VAV1: variants seen among roughly 807,000 people sequenced by gnomAD.
VAV1 encodes the protein proto-oncogene vav.
VAV1 carries 33 observed loss-of-function variants against 128.1 expected under a neutral mutation model. That is an observed-to-expected ratio of 0.26 (90% CI 0.20 to 0.34). The LOEUF is 0.34. Ranked by LOEUF, VAV1 falls within the 10% of genes least tolerant of loss-of-function variation. The pLI is 1.00. For synonymous variants in VAV1, 394 were observed against 409.8 expected, an observed-to-expected ratio of 0.96 and a Z score of 0.47; for missense variants, 715 against 1,093.7, an observed-to-expected ratio of 0.65 and a Z score of 4.88.
chr19:6,851,620 A>G (rs1268392116), intron 24 of VAV1, among the ~76,000 whole-genome samples: 2 of 152,180 alleles, frequency 1.3e-5, no homozygotes, highest in Non-Finnish European at 2.9e-5. Flanking sequence ...GTCTTTGCCT[A>G]ATCTGCTGCA....
chr19:6,835,214 T>TACACAC lies in VAV1; in HGVS notation c.1778-1189_1778-1184dup, dbSNP rs59124872. On this transcript the variant is annotated intron_variant, in intron 19 of 26. Transcript: ENST00000602142. ...ATATATATGTGTATATATATATACATACACACACACACACACACACACACA... is the reference window on the plus strand; with the variant it reads ...ATATATATGTGTATATATATATACATACACACACACACACACACACACACACACACA... Among the ~76,000 whole-genome samples, 403 of 145,444 alleles carry TACACAC rather than the reference T, an allele frequency of 2.8e-3. 2 individuals are homozygous for TACACAC. The highest frequency in any genetic ancestry group is 9.5e-3 in the African/African-American group (371 of 39,236).
chr19:6,829,649 TG>T, intron 13 of VAV1, 136 bp from the exon 14 acceptor site: 1 of 1,288,560 alleles, frequency 7.8e-7, no homozygotes, highest in Non-Finnish European at 1.1e-6. Context: ...GAAGTCAGGA[TG>T]GACAGGTGGG....
At chr19:6,842,785 G>A (rs331683) in intron 21 of VAV1, among the ~76,000 whole-genome samples, 100,956 of 151,990 alleles carry the variant, frequency 0.66, 37,891 homozygotes, top group Non-Finnish European at 0.83. Flanking sequence ...AGTGAGCTAT[G>A]ATCATACTGC....
At chr19:6,837,940 C>T (rs1331912074) in intron 21 of VAV1, among the ~76,000 whole-genome samples, 2 of 152,094 alleles carry the variant, frequency 1.3e-5, no homozygotes, top group African/African-American at 2.4e-5. Context: ...TTGTCAATTT[C>T]CCCAAAAATT....
chr19:6,853,850 C>T, intron 25 of VAV1, 97 bp from the exon 26 acceptor site: 3 of 1,507,790 alleles, frequency 2.0e-6, no homozygotes, highest in Non-Finnish European at 2.7e-6. Context: ...CTGAGGAGCC[C>T]TTTATCCTGG....
chr19:6,821,316 G>A (rs779765188), intron 2 of VAV1, among the ~76,000 whole-genome samples: 2 of 152,048 alleles, frequency 1.3e-5, no homozygotes, highest in Non-Finnish European at 2.9e-5. Flanking sequence ...CAGGAGAATC[G>A]CTTGAACCTG....
chr19:6,839,201 G>A (rs1391563991), intron 21 of VAV1, among the ~76,000 whole-genome samples: 5 of 150,530 alleles, frequency 3.3e-5, no homozygotes, highest in South Asian at 4.2e-4. Flanking sequence ...GCACCCAGCC[G>A]CAGCTGTTTT....
chr19:6,852,822 G>T, intron 24 of VAV1, 143 bp from the exon 25 acceptor site: 3 of 579,716 alleles, frequency 5.2e-6, no homozygotes, highest in South Asian at 4.0e-5. Flanking sequence ...TCCCCATCAT[G>T]GGGAGTATTC....
chr19:6,825,076 G>T lies in VAV1; in HGVS notation c.678G>T (p.Arg226=). The T allele has an allele frequency of 3.7e-6, 6 of 1,613,546 alleles. No homozygotes were observed. Among genetic ancestry groups the T allele is most frequent in the Non-Finnish European group, 5.1e-6 (6 of 1,180,024 alleles). Residue 226 remains arginine, a synonymous_variant, in exon 7 of 27, where the codon CGG becomes CGT. Transcript: ENST00000602142. ...AGCATTTCTTGAAGCCCCTGCAACG[G>T]TTCCTGAAACCTCAAGACATTGAGA... ...IQQHFLKPLQ[R]FLKPQDIEII...
chr19:6,836,232 G>T, intron 19 of VAV1, 200 bp from the exon 20 acceptor site: 1 of 626,622 alleles, frequency 1.6e-6, no homozygotes, highest in Non-Finnish European at 2.7e-6. Flanking sequence ...ACAATGTTTA[G>T]CTTCAGTAGA....
intron 14 of VAV1, 135 bp from the exon 15 acceptor site, chr19:6,831,956 A>G (rs1972066933): frequency 3.0e-6 from 2 of 662,308 alleles, no homozygotes; most frequent in Admixed American, 2.9e-5. Flanking sequence ...TTTTACAAGG[A>G]TATCCATGCA....
At chr19:6,774,615 A>G (rs2144681004) in intron 1 of VAV1, among the ~76,000 whole-genome samples, 1 of 148,572 alleles carries the variant, frequency 6.7e-6, no homozygotes, top group Admixed American at 6.7e-5. Flanking sequence ...TTGTATTTTT[A>G]GTAGAGACAG....
chr19:6,827,926 G>A, intron 9 of VAV1, 150 bp from the exon 10 acceptor site: 8 of 635,150 alleles, frequency 1.3e-5, no homozygotes, highest in Non-Finnish European at 2.2e-5. Flanking sequence ...TTCCTTGGGG[G>A]CAGATATGAT....
At chr19:6,824,438 C>T (rs568236456) in intron 6 of VAV1, among the ~76,000 whole-genome samples, 6 of 152,268 alleles carry the variant, frequency 3.9e-5, no homozygotes, top group South Asian at 4.1e-4. Context: ...TTTTGCTGAG[C>T]GTAGTGTTTT....
chr19:6,857,181 G>A lies in VAV1; in HGVS notation c.*74G>A. Reference sequence around the variant, plus strand: ...GCGTGGGCAGGCAGCGGAGCCAGGGGCTGTGACAGCTCCCGGCGGGTGGAG... The same window carrying A: ...GCGTGGGCAGGCAGCGGAGCCAGGGACTGTGACAGCTCCCGGCGGGTGGAG... On this transcript the variant is annotated 3_prime_UTR_variant, in exon 27 of 27. Transcript: ENST00000602142. The A allele has an allele frequency of 1.9e-6, 3 of 1,600,272 alleles. No individual in the cohort carries two copies. The highest frequency in any genetic ancestry group is 2.7e-5 in the African/African-American group (2 of 74,808).
intron 1 of VAV1, among the ~76,000 whole-genome samples, chr19:6,815,150 T>C (rs1971619167): frequency 4.6e-5 from 7 of 152,194 alleles, no homozygotes. Context: ...CTTTTATTTA[T>C]TTATTTATTT....
chr19:6,808,072 G>T (rs1223500454), intron 1 of VAV1, among the ~76,000 whole-genome samples: 1 of 151,810 alleles, frequency 6.6e-6, no homozygotes, highest in Non-Finnish European at 1.5e-5. Flanking sequence ...CAGCACTTTG[G>T]GAGGCCGAGG....
intron 23 of VAV1, among the ~76,000 whole-genome samples, chr19:6,849,910 C>T (rs1972623020): frequency 6.6e-6 from 1 of 152,118 alleles, no homozygotes; most frequent in Non-Finnish European, 1.5e-5. Context: ...GGGTGTGTGT[C>T]TTTCTGGTAG....
chr19:6,832,606 T>C (rs60981795), intron 15 of VAV1, among the ~76,000 whole-genome samples: 3,536 of 92,048 alleles, frequency 0.038, 52 homozygotes, highest in South Asian at 0.064. Context: ...CTCTTCCTCC[T>C]ATTCCTCCTC....
Sources: allele counts gnomAD v4.1 joint callset (sites outside exome capture counted in the v4.1 genomes callset), GRCh38; gene constraint gnomAD v4.1.1; transcripts MANE v1.5; gene names NCBI Gene and HGNC (gene_info 2026-07-23, HGNC 2026-07-21).